The following BBOF1 variants were observed in gnomAD, a reference collection of about 807,000 sequenced individuals.
The protein encoded by BBOF1 is basal body orientation factor 1, also known as basal body-orientation factor 1.
BBOF1 carries 62 observed loss-of-function variants against 68.0 expected under a neutral mutation model. The observed-to-expected ratio is 0.91, with a 90% CI of 0.74 to 1.13. BBOF1 has a LOEUF of 1.13. BBOF1 is among the 50% of genes most tolerant of loss of function. The probability of loss-of-function intolerance (pLI) is 0.00; values close to 1 mark genes in which losing one functional copy is unlikely to be tolerated. For synonymous variants in BBOF1, 208 were observed against 198.8 expected, an observed-to-expected ratio of 1.05 and a Z score of -0.39; for missense variants, 534 against 600.1, an observed-to-expected ratio of 0.89 and a Z score of 1.15.
rs548961190 is a variant in BBOF1, at chr14:74,023,003, C to G, written c.144C>G (p.Leu48=). Reference sequence around the variant, plus strand: ...AGGCCAGGTTGGAAGTCACAGAACTCTCTAGGATTAAGTATCGTGATACTT... The same window carrying G: ...AGGCCAGGTTGGAAGTCACAGAACTGTCTAGGATTAAGTATCGTGATACTT... ...LWEARLEVTE[L]SRIKYRDTSR... The change falls in exon 2 of 12, where the codon CTC becomes CTG. Residue 48 remains leucine (L), a synonymous_variant. Coordinates refer to ENST00000394009, the MANE Select transcript of BBOF1 (RefSeq NM_025057.3). 23 of 1,612,922 alleles carry G rather than the reference C, an allele frequency of 1.4e-5. No individual in the cohort carries two copies. The East Asian group carries it at 1.8e-4, about 13-fold the overall frequency.
intron 11 of BBOF1, among the ~76,000 whole-genome samples, chr14:74,062,051 GAAAAAAAAAAAAAA>G (rs369414700): frequency 1.5e-4 from 9 of 59,576 alleles, no homozygotes; most frequent in East Asian, 9.6e-4. Flanking sequence ...TCTCTACTGG[GAAAAAAAAAAAAAA>G]AAAAAAAAAA....
chr14:74,072,779 C>T (rs575584359), intron 9 of BBOF1, among the ~76,000 whole-genome samples: 1 of 152,100 alleles, frequency 6.6e-6, no homozygotes, highest in African/African-American at 2.4e-5. Context: ...CATAATATCC[C>T]TATCTATTCT....
intron 5 of BBOF1, among the ~76,000 whole-genome samples, chr14:74,042,462 A>G (rs747236464): frequency 1.3e-5 from 2 of 152,166 alleles, no homozygotes; most frequent in Non-Finnish European, 2.9e-5. Context: ...TGTAAATAGG[A>G]TTTTTATATA....
At chr14:74,057,530 T>C in intron 11 of BBOF1, 1 of 1,350,328 alleles carries the variant, frequency 7.4e-7, no homozygotes, top group Non-Finnish European at 9.6e-7. Flanking sequence ...AAATGTGTAC[T>C]ATCTTTTACG....
downstream of BBOF1, among the ~76,000 whole-genome samples, chr14:74,069,430 T>C (rs1010842068): frequency 6.6e-6 from 1 of 151,946 alleles, no homozygotes; most frequent in African/African-American, 2.4e-5. Context: ...ATTCTCATTG[T>C]GAAGTTCTCT....
chr14:74,027,244 G>A (rs543096812), intron 2 of BBOF1, among the ~76,000 whole-genome samples: 4 of 151,546 alleles, frequency 2.6e-5, no homozygotes, highest in African/African-American at 7.3e-5. Flanking sequence ...CCACCACCCC[G>A]CCTGGCTAAT....
chr14:74,021,677 A>G (rs536768735), intron 1 of BBOF1, among the ~76,000 whole-genome samples: 9 of 152,082 alleles, frequency 5.9e-5, no homozygotes, highest in Non-Finnish European at 1.2e-4. Flanking sequence ...TTTGTCCAAG[A>G]CCTAGCCCAA....
At chr14:74,032,759 TG>T (rs1429157540) in intron 3 of BBOF1, among the ~76,000 whole-genome samples, 1 of 152,196 alleles carries the variant, frequency 6.6e-6, no homozygotes, top group African/African-American at 2.4e-5. Flanking sequence ...CCCAAAGTGC[TG>T]GGATTACAGG....
At position 74,074,960 on chromosome 14, in the gene BBOF1, A is replaced by C. The variant is rs1358747291; in HGVS notation, n.1380-3236A>C. 3.7e-6 allele frequency: 6 copies of C among 1,614,052 alleles called. No individual in the cohort carries two copies. The Admixed American group carries it at 5.0e-5, about 13-fold the overall frequency. ...TCTATGCCAAATAAACTCACCACTGAAGAAGAGAAGGAAGATGCTGAATAC... is the reference window on the plus strand; with the variant it reads ...TCTATGCCAAATAAACTCACCACTGCAGAAGAGAAGGAAGATGCTGAATAC... On this transcript the variant is annotated intron_variant and non_coding_transcript_variant, in intron 9 of 12. Transcript: ENST00000492026.
chr14:74,038,346 G>A (rs2059756226), intron 4 of BBOF1, among the ~76,000 whole-genome samples: 1 of 152,178 alleles, frequency 6.6e-6, no homozygotes, highest in African/African-American at 2.4e-5. Context: ...CTATGTACAG[G>A]TATACATTCT....
At chr14:74,063,945 A>G (rs2060407145) in intron 11 of BBOF1, among the ~76,000 whole-genome samples, 1 of 151,916 alleles carries the variant, frequency 6.6e-6, no homozygotes, top group African/African-American at 2.4e-5. Context: ...AACACAGGCA[A>G]TTTGGTTCCA....
At chr14:74,041,544 G>C (rs942200319) in intron 5 of BBOF1, among the ~76,000 whole-genome samples, 3 of 152,038 alleles carry the variant, frequency 2.0e-5, no homozygotes, top group Admixed American at 6.6e-5. Flanking sequence ...GGCAAATGAG[G>C]TTTTGTTTGA....
At chr14:74,044,570 C>T (rs1339205226) in intron 5 of BBOF1, among the ~76,000 whole-genome samples, 1 of 151,598 alleles carries the variant, frequency 6.6e-6, no homozygotes, top group African/African-American at 2.4e-5. Context: ...TCATACAATC[C>T]TCCTGGCTCA....
rs1210742731 is a variant in BBOF1 at position 74,056,979 on chromosome 14, G to A, written c.1462G>A (p.Gly488Arg). 3 of 1,612,824 alleles carry A rather than the reference G, an allele frequency of 1.9e-6. No homozygotes were observed. Among genetic ancestry groups the A allele is most frequent in the African/African-American group, 2.7e-5 (2 of 74,986 alleles). ...TGACAGTGGGGAAACAAAGGAATTT[G>A]GGTAAGAGCTCTCTTGCTTAAGTAA... The part of the protein sequence containing the change: ...VSDSGETKEF[G>R]DESKLQDKIF... Residue 488 changes from glycine (G) to arginine (R), a missense_variant and splice_region_variant, in exon 10 of 12, where the codon GGG becomes AGG. By Grantham distance (125) the Gly-to-Arg change is moderately radical. Transcript: ENST00000394009.
chr14:74,026,003 T>TG (rs1272877836), intron 2 of BBOF1, among the ~76,000 whole-genome samples: 1 of 150,792 alleles, frequency 6.6e-6, no homozygotes, highest in African/African-American at 2.4e-5. Context: ...TAGCTAGGCA[T>TG]GGTGGTGCGT....
downstream of BBOF1, among the ~76,000 whole-genome samples, chr14:74,068,535 TCGAAA>T (rs1446801095): frequency 6.6e-6 from 1 of 151,764 alleles, no homozygotes; most frequent in African/African-American, 2.4e-5. Context: ...GGTCAGGAGA[TCGAAA>T]CCATCCTGGC....
chr14:74,023,098 C>A lies in BBOF1; in HGVS notation c.239C>A (p.Ser80Ter). ...TGTAAAATGGAGAAAGACATAATGT[C>A]AGTATTAAGTTACCTGAAGAAGCAG... is the stretch of plus-strand genomic sequence containing the variant. ...KQCKMEKDIMSVLSYLKKQDQ... is the reference protein window; with the variant it reads ...KQCKMEKDIM Residue 80 changes from serine (S) to a stop codon, truncating the protein, a stop_gained, in exon 2 of 12, where the codon TCA (serine) becomes TAA (stop). Transcript: ENST00000394009. LOFTEE classifies it high-confidence loss of function. 6.3e-7 allele frequency: 1 copy of A among 1,597,364 alleles called. No homozygotes were observed. Among genetic ancestry groups the A allele is most frequent in the South Asian group, 1.1e-5 (1 of 88,146 alleles).
At chr14:74,042,103 G>T (rs2059836829) in intron 5 of BBOF1, among the ~76,000 whole-genome samples, 1 of 152,178 alleles carries the variant, frequency 6.6e-6, no homozygotes, top group South Asian at 2.1e-4. Flanking sequence ...TCGAACTCCT[G>T]GGCTCCAGCA....
chr14:74,054,014 A>G (rs1329490054), intron 8 of BBOF1, among the ~76,000 whole-genome samples: 2 of 152,052 alleles, frequency 1.3e-5, no homozygotes, highest in Non-Finnish European at 2.9e-5. Flanking sequence ...AGCTGGGACT[A>G]CAGGCTCCTG....
Sources: gnomAD v4.1 joint callset for allele counts (sites outside exome capture counted in the v4.1 genomes callset) on GRCh38, gnomAD v4.1.1 for gene constraint, MANE v1.5 for transcripts, NCBI Gene and HGNC (gene_info 2026-07-23, HGNC 2026-07-21) for gene names.